The following TNS3 variants were observed in gnomAD, a reference collection of about 807,000 sequenced individuals.
TNS3 encodes tensin 3.
In TNS3, 45 loss-of-function variants were observed where a neutral mutation model predicts 140.9. That is an observed-to-expected ratio of 0.32 (90% CI 0.25 to 0.41). The LOEUF (loss-of-function observed/expected upper bound fraction) is 0.41, where lower values mean the gene tolerates loss of function less well. TNS3 is among the 10% of genes least tolerant of loss of function. The pLI is 1.00. For synonymous variants in TNS3, 815 were observed against 788.4 expected, an observed-to-expected ratio of 1.03 and a Z score of -0.56; for missense variants, 1,716 against 1,906.7, an observed-to-expected ratio of 0.90 and a Z score of 1.86.
At chr7:47,561,355 G>T (rs985628323) in intron 1 of TNS3, among the ~76,000 whole-genome samples, 14 of 152,154 alleles carry the variant, frequency 9.2e-5, no homozygotes, top group African/African-American at 3.1e-4. Flanking sequence ...TGGGTGCAGG[G>T]TATGCTGAGG....
intron 2 of TNS3, among the ~76,000 whole-genome samples, chr7:47,519,586 C>T (rs1022995574): frequency 2.6e-5 from 4 of 152,152 alleles, no homozygotes; most frequent in African/African-American, 9.6e-5. Flanking sequence ...CTTCTTTGTC[C>T]CTCACTAGCC....
chr7:47,387,347 G>A (rs1470521205), intron 16 of TNS3, among the ~76,000 whole-genome samples: 1 of 152,226 alleles, frequency 6.6e-6, no homozygotes, highest in Non-Finnish European at 1.5e-5. Context: ...CATAGAGTTT[G>A]AAAGCTGTTG....
At chr7:47,551,632 C>T (rs1017311566) in intron 1 of TNS3, among the ~76,000 whole-genome samples, 12 of 152,318 alleles carry the variant, frequency 7.9e-5, no homozygotes, top group African/African-American at 2.6e-4. Context: ...CGAAAACATT[C>T]GCACTGCAGA....
chr7:47,577,195 G>A (rs1800695166), intron 1 of TNS3, among the ~76,000 whole-genome samples: 1 of 152,154 alleles, frequency 6.6e-6, no homozygotes, highest in Admixed American at 6.5e-5. Context: ...ATCCTTCCTG[G>A]GTGCCGACAG....
chr7:47,572,815 G>C (rs1192945799), intron 1 of TNS3, among the ~76,000 whole-genome samples: 1 of 151,970 alleles, frequency 6.6e-6, no homozygotes, highest in Non-Finnish European at 1.5e-5. Context: ...GGAGGTTGCA[G>C]TGAGCTGAGA....
intron 10 of TNS3, among the ~76,000 whole-genome samples, chr7:47,416,051 C>T (rs1584609316): frequency 6.6e-6 from 1 of 152,382 alleles, no homozygotes; most frequent in East Asian, 1.9e-4. Context: ...CCTGAGGTCC[C>T]TCACCATGGC....
In TNS3 at chr7:47,400,453, G is replaced by A; in HGVS notation, c.859C>T (p.Arg287Cys). ...EDLDNASKDD[R>C]FPDYGKVELV... is the part of the protein sequence containing the mutation. ...TCAACCTTCCCATAGTCAGGAAAACGGTCATCTGAAAAAAACAATGTATTT... is the reference window on the plus strand; with the variant it reads ...TCAACCTTCCCATAGTCAGGAAAACAGTCATCTGAAAAAAACAATGTATTT... The change falls in exon 15 of 31, where the codon CGT (arginine) becomes TGT (cysteine). Residue 287 changes from arginine to cysteine, a missense_variant. Physicochemically the swap from Arg to Cys is radical, Grantham distance 180 (BLOSUM62 -3). Transcript: ENST00000311160. 2.5e-6 allele frequency: 4 copies of A among 1,613,826 alleles called. No homozygotes were observed. Among genetic ancestry groups the A allele is most frequent in the East Asian group, 4.5e-5 (2 of 44,890 alleles).
chr7:47,545,829 T>C (rs1415883942), intron 1 of TNS3, among the ~76,000 whole-genome samples: 1 of 152,158 alleles, frequency 6.6e-6, no homozygotes, highest in Non-Finnish European at 1.5e-5. Flanking sequence ...CCTGAGCAGT[T>C]CTCAGCCAAC....
rs1198382579 is a variant in TNS3, at chr7:47,532,838, C to G, written c.-264-3691G>C. Among the ~76,000 whole-genome samples, 3 of 151,882 alleles carry G rather than the reference C, an allele frequency of 2.0e-5. No homozygotes were observed. The East Asian group carries it at 5.8e-4, about 29-fold the overall frequency. ...CACTTGAAGGTAGCCTGTGATGTTA[C>G]AGAGGTATAGTATAAACCCTAGAGC... On this transcript the variant is annotated intron_variant, in intron 1 of 30. Transcript: ENST00000311160.
chr7:47,318,431 G>T (rs779236582), intron 20 of TNS3, among the ~76,000 whole-genome samples: 3 of 152,106 alleles, frequency 2.0e-5, no homozygotes, highest in Non-Finnish European at 4.4e-5. Context: ...CTGGTTACTT[G>T]CAACAGGAAA....
At chr7:47,543,963 G>A (rs548736587) in intron 1 of TNS3, among the ~76,000 whole-genome samples, 7 of 152,160 alleles carry the variant, frequency 4.6e-5, no homozygotes, top group African/African-American at 7.2e-5. Flanking sequence ...GCTCTGACTC[G>A]TCACAGAGTT....
chr7:47,435,175 G>A lies in TNS3; in HGVS notation c.324+107C>T, dbSNP rs1795116374. On this transcript the variant is annotated intron_variant, in intron 8 of 30. Transcript: ENST00000311160. ...AAGACAAACCCATAAGGAGCACATC[G>A]CACCAGCTCAAAGCGGAAATGTGCT... 39 of 1,448,966 alleles carry A rather than the reference G, an allele frequency of 2.7e-5. No homozygotes were observed. The South Asian group carries it at 3.6e-4, about 13-fold the overall frequency. 89.8% of individuals were successfully genotyped at this position (1,448,966 alleles called of 1,614,324 possible).
At chr7:47,471,246 G>A (rs1412390721) in intron 4 of TNS3, among the ~76,000 whole-genome samples, 2 of 152,188 alleles carry the variant, frequency 1.3e-5, no homozygotes, top group Non-Finnish European at 2.9e-5. Context: ...AGTCCCAGAA[G>A]ACTGTGCCCA....
intron 23 of TNS3, among the ~76,000 whole-genome samples, chr7:47,298,755 C>A (rs1165480358): frequency 3.9e-5 from 6 of 152,382 alleles, no homozygotes; most frequent in African/African-American, 1.4e-4. Context: ...ACCGGACCCA[C>A]AGCCAAGGCA....
At chr7:47,468,420 A>G (rs1282577255) in intron 4 of TNS3, among the ~76,000 whole-genome samples, 1 of 152,108 alleles carries the variant, frequency 6.6e-6, no homozygotes, top group Non-Finnish European at 1.5e-5. Flanking sequence ...CAGCCTGAGC[A>G]ACAGGGCAAG....
At chr7:47,345,801 C>T (rs989781446) in intron 18 of TNS3, among the ~76,000 whole-genome samples, 1 of 152,204 alleles carries the variant, frequency 6.6e-6, no homozygotes, top group African/African-American at 2.4e-5. Context: ...TGCTGTCGGG[C>T]TATGGAGAAT....
chr7:47,515,366 C>T (rs117547329), intron 2 of TNS3, among the ~76,000 whole-genome samples: 2,760 of 152,212 alleles, frequency 0.018, 36 homozygotes, highest in Non-Finnish European at 0.029. Flanking sequence ...TCATCACAAT[C>T]GTTACCATTG....
intron 15 of TNS3, among the ~76,000 whole-genome samples, chr7:47,399,357 C>T (rs1793022252): frequency 6.6e-6 from 1 of 151,794 alleles, no homozygotes; most frequent in South Asian, 2.1e-4. Context: ...CAAAAAGGGG[C>T]CCAAATGGCC....
intron 20 of TNS3, among the ~76,000 whole-genome samples, chr7:47,318,782 TC>T (rs1206176157): frequency 2.0e-5 from 3 of 152,134 alleles, no homozygotes; most frequent in Non-Finnish European, 4.4e-5. Flanking sequence ...TGGACAGCGG[TC>T]AGAGAAAGCT....
Sources: allele counts gnomAD v4.1 joint callset (sites outside exome capture counted in the v4.1 genomes callset), GRCh38; gene constraint gnomAD v4.1.1; transcripts MANE v1.5; gene names NCBI Gene and HGNC (gene_info 2026-07-23, HGNC 2026-07-21).